Variants in VPS13B observed in about 807,000 individuals in gnomAD.
VPS13B encodes intermembrane lipid transfer protein VPS13B.
In VPS13B, 285 loss-of-function variants were observed where a neutral mutation model predicts 426.4. The ratio of observed to expected loss-of-function variants is 0.67; its 90% CI spans 0.61 to 0.74. The LOEUF is 0.74. VPS13B is among the 30% of genes least tolerant of loss of function. The pLI is 0.00. For synonymous variants in VPS13B, 1,676 were observed against 1,676.4 expected (o/e 1.00, Z 0.01); for missense variants, 4,537 against 4,782.6 (o/e 0.95, Z 1.51).
chr8:99,558,410 T>TTTATTA (rs138533550), intron 31 of VPS13B, among the ~76,000 whole-genome samples: 9 of 151,476 alleles, frequency 5.9e-5, no homozygotes, highest in Non-Finnish European at 8.8e-5. Context: ...ATGTTTTCTT[T>TTTATTA]TTATTATTAT....
At chr8:99,320,286 T>C (rs1264939287) in intron 19 of VPS13B, among the ~76,000 whole-genome samples, 8 of 152,290 alleles carry the variant, frequency 5.3e-5, no homozygotes, top group African/African-American at 1.9e-4. Flanking sequence ...TTATATTGTT[T>C]TGCTAATGTC....
intron 17 of VPS13B, chr8:99,234,369 G>A: frequency 2.7e-6 from 2 of 728,770 alleles, no homozygotes; most frequent in Non-Finnish European, 5.2e-6. Context: ...AGGTGAGGAG[G>A]TATGTTTCAA....
At chr8:99,603,196 T>A (rs1333721362) in intron 33 of VPS13B, among the ~76,000 whole-genome samples, 2 of 152,168 alleles carry the variant, frequency 1.3e-5, no homozygotes, top group Non-Finnish European at 2.9e-5. Flanking sequence ...AACATTAGGA[T>A]GCAGGATATT....
At chr8:99,436,808 G>A (rs1817403288) in intron 22 of VPS13B, among the ~76,000 whole-genome samples, 1 of 151,540 alleles carries the variant, frequency 6.6e-6, no homozygotes, top group African/African-American at 2.4e-5. Context: ...GTGTGATCTC[G>A]GCTCACTGCA....
intron 39 of VPS13B, among the ~76,000 whole-genome samples, chr8:99,724,308 T>C (rs1420198969): frequency 1.3e-5 from 2 of 151,884 alleles, no homozygotes; most frequent in Non-Finnish European, 1.5e-5. Context: ...TCGTGTGGGG[T>C]AGAAGAATCT....
At chr8:99,535,373 G>A (rs1823149175) in intron 30 of VPS13B, among the ~76,000 whole-genome samples, 1 of 152,130 alleles carries the variant, frequency 6.6e-6, no homozygotes, top group African/African-American at 2.4e-5. Flanking sequence ...AATTTTGCCT[G>A]TTTTGTGTAC....
intron 39 of VPS13B, among the ~76,000 whole-genome samples, chr8:99,729,335 C>A (rs542114894): frequency 1.3e-5 from 2 of 152,296 alleles, no homozygotes; most frequent in South Asian, 4.1e-4. Flanking sequence ...TTTCCCTTTG[C>A]AAATATCTGG....
chr8:99,581,853 C>T (rs932369847), intron 33 of VPS13B, among the ~76,000 whole-genome samples: 11 of 152,220 alleles, frequency 7.2e-5, no homozygotes, highest in African/African-American at 2.7e-4. Flanking sequence ...AAGTACATTT[C>T]CTTCCTTATC....
At chr8:99,336,561 A>G (rs923530076) in intron 19 of VPS13B, among the ~76,000 whole-genome samples, 6 of 152,178 alleles carry the variant, frequency 3.9e-5, no homozygotes, top group Admixed American at 1.3e-4. Flanking sequence ...AGAAACTACC[A>G]TCAGAGTGCA....
At chr8:99,386,007 T>A (rs1157134482) in intron 20 of VPS13B, among the ~76,000 whole-genome samples, 1 of 152,166 alleles carries the variant, frequency 6.6e-6, no homozygotes, top group Non-Finnish European at 1.5e-5. Flanking sequence ...AAAGAGGAGC[T>A]ATAGGAAATT....
rs148817106 is a variant in VPS13B, at chr8:99,696,230, C to T, written c.6047-3295C>T. On this transcript the variant is annotated intron_variant, in intron 35 of 61. Coordinates refer to ENST00000357162, the MANE Select transcript of VPS13B (RefSeq NM_152564.5). Reference sequence around the variant, plus strand: ...TGATGACTTGGTAGTAGAGAAGTCCCTCAAGTCCTTCAAGGACAAGAACAA... The same window carrying T: ...TGATGACTTGGTAGTAGAGAAGTCCTTCAAGTCCTTCAAGGACAAGAACAA... 9.2e-3 allele frequency: 1,741 copies of T among 188,864 alleles called. 19 individuals are homozygous for T. The highest frequency in any genetic ancestry group is 0.014 in the Non-Finnish European group (1,227 of 89,516). 11.7% of individuals were successfully genotyped at this position (188,864 alleles called of 1,614,324 possible). A position where few individuals can be genotyped will look rare whatever the true frequency, so the allele number is the denominator to read the frequency against.
chr8:99,144,412 C>T (rs1407158751), intron 13 of VPS13B, among the ~76,000 whole-genome samples: 1 of 149,790 alleles, frequency 6.7e-6, no homozygotes, highest in Non-Finnish European at 1.5e-5. Flanking sequence ...TTGCTTGAGC[C>T]TGAATGGTTG....
chr8:99,219,902 G>A (rs1815608478), intron 17 of VPS13B, among the ~76,000 whole-genome samples: 1 of 152,138 alleles, frequency 6.6e-6, no homozygotes, highest in South Asian at 2.1e-4. Flanking sequence ...GTATGTTCTT[G>A]AATATGCTGT....
chr8:99,081,582 A>ACCCCACAACAGGCCCCC (rs1845461747), intron 3 of VPS13B, among the ~76,000 whole-genome samples: 2 of 26,730 alleles, frequency 7.5e-5, no homozygotes, highest in African/African-American at 1.4e-4. Flanking sequence ...CCCCTCCCCC[A>ACCCCACAACAGGCCCCC]ACCCCACAAC....
intron 3 of VPS13B, among the ~76,000 whole-genome samples, chr8:99,079,642 A>G (rs1045172567): frequency 2.0e-5 from 3 of 152,092 alleles, no homozygotes; most frequent in Non-Finnish European, 2.9e-5. Context: ...ATGTACATTG[A>G]TTTTCCCCTT....
intron 19 of VPS13B, among the ~76,000 whole-genome samples, chr8:99,294,091 A>T (rs75541366): frequency 2.7e-5 from 2 of 73,760 alleles, no homozygotes; most frequent in Admixed American, 2.3e-4. Context: ...ACATGCACAC[A>T]TATGTTTATT....
chr8:99,332,325 C>G (rs1443153599), intron 19 of VPS13B, among the ~76,000 whole-genome samples: 2 of 151,496 alleles, frequency 1.3e-5, no homozygotes, highest in Non-Finnish European at 3.0e-5. Flanking sequence ...TAACAAGTCC[C>G]AAACATTTGC....
chr8:99,351,058 T>C (rs1811854301), intron 19 of VPS13B, among the ~76,000 whole-genome samples: 1 of 152,168 alleles, frequency 6.6e-6, no homozygotes, highest in African/African-American at 2.4e-5. Flanking sequence ...ATTTTCTTCT[T>C]AACTTTTCCC....
chr8:99,194,890 G>A (rs955112656), intron 17 of VPS13B, among the ~76,000 whole-genome samples: 15 of 152,036 alleles, frequency 9.9e-5, no homozygotes, highest in African/African-American at 3.6e-4. Context: ...TCTGTTGCCA[G>A]GCTGGAGTGC....
Sources: allele counts gnomAD v4.1 joint callset (sites outside exome capture counted in the v4.1 genomes callset), GRCh38; gene constraint gnomAD v4.1.1; transcripts MANE v1.5; gene names NCBI Gene and HGNC (gene_info 2026-07-23, HGNC 2026-07-21).